The following PSMD1 variants were observed in gnomAD, a reference collection of about 807,000 sequenced individuals.
PSMD1 encodes 26S proteasome non-ATPase regulatory subunit 1.
A neutral mutation model predicts 119.0 loss-of-function variants in PSMD1; 18 were observed. The observed-to-expected ratio is 0.15, with a 90% CI of 0.10 to 0.22. The LOEUF (loss-of-function observed/expected upper bound fraction) is 0.22. Ranked by LOEUF, PSMD1 falls within the 10% of genes least tolerant of loss-of-function variation. The pLI is 1.00. For missense variants in PSMD1, 702 were observed against 1,158.5 expected (o/e 0.61, Z 5.72); for synonymous variants, 374 against 396.6 (o/e 0.94, Z 0.68).
At chr2:231,065,276 G>T (rs1434097923) in intron 4 of PSMD1, among the ~76,000 whole-genome samples, 1 of 148,150 alleles carries the variant, frequency 6.7e-6, no homozygotes, top group African/African-American at 2.5e-5. Flanking sequence ...TTGTTTTTTT[G>T]TTTTTTTTGT....
intron 16 of PSMD1, among the ~76,000 whole-genome samples, chr2:231,101,920 T>C (rs938242577): frequency 2.6e-5 from 4 of 152,178 alleles, no homozygotes; most frequent in Non-Finnish European, 5.9e-5. Context: ...CTTATGGAGC[T>C]TGGGTTGAGG....
At chr2:231,130,656 C>A (rs558805310) in intron 16 of PSMD1, among the ~76,000 whole-genome samples, 1 of 152,080 alleles carries the variant, frequency 6.6e-6, no homozygotes, top group African/African-American at 2.4e-5. Context: ...TGGGGTTTCG[C>A]GGGAATGCCA....
At chr2:231,156,493 ACCTATTTATC>A (rs1423046360) in intron 19 of PSMD1, among the ~76,000 whole-genome samples, 3 of 151,936 alleles carry the variant, frequency 2.0e-5, no homozygotes, top group African/African-American at 7.3e-5. Flanking sequence ...CCTGTGCTTA[ACCTATTTATC>A]CCTCCTTGCC....
At chr2:231,096,219 C>G (rs1422186690) in intron 16 of PSMD1, among the ~76,000 whole-genome samples, 2 of 152,220 alleles carry the variant, frequency 1.3e-5, no homozygotes, top group African/African-American at 2.4e-5. Flanking sequence ...TCTAATGCTG[C>G]TTGCCTAAGA....
At chr2:231,095,500 T>C (rs988374627) in intron 16 of PSMD1, among the ~76,000 whole-genome samples, 3 of 152,184 alleles carry the variant, frequency 2.0e-5, no homozygotes, top group African/African-American at 7.2e-5. Context: ...GTAAATATCA[T>C]CCATAAAATG....
chr2:231,085,699 C>T (rs1238425030), intron 15 of PSMD1, among the ~76,000 whole-genome samples: 1 of 149,810 alleles, frequency 6.7e-6, no homozygotes, highest in Non-Finnish European at 1.5e-5. Flanking sequence ...AAGAGATGCA[C>T]TGCACAGGAA....
rs745746655 is a variant in PSMD1 at position 231,089,281 on chromosome 2, G to T, written c.1883+2100G>T. 3.9e-5 allele frequency among the ~76,000 whole-genome samples: 6 copies of T among 152,176 alleles called. No individual in the cohort carries two copies. In the South Asian group the frequency reaches 6.2e-4, roughly 16 times the overall value. On this transcript the variant is annotated intron_variant, in intron 16 of 24. Coordinates refer to ENST00000308696, the MANE Select transcript of PSMD1 (RefSeq NM_002807.4). The stretch of plus-strand genomic sequence containing the variant: ...CTAGCTAAGATCATTGATGAAGGTG[G>T]CTATCCTAAACAACAGATTTTCCAT...
At chr2:231,105,720 ATTCCT>A (rs1694958942) in intron 16 of PSMD1, among the ~76,000 whole-genome samples, 2 of 152,178 alleles carry the variant, frequency 1.3e-5, no homozygotes, top group South Asian at 4.1e-4. Flanking sequence ...ACACAAAGTG[ATTCCT>A]TGAATATAAA....
chr2:231,169,151 A>AT lies in PSMD1; in HGVS notation c.2716-1406dup, dbSNP rs1020229322. ...GTTGATTTGGATTATTAGTTTTGGGATTTTTTTTTGTGTGTGTGTTACTGT... is the reference window on the plus strand; with the variant it reads ...GTTGATTTGGATTATTAGTTTTGGGATTTTTTTTTTGTGTGTGTGTTACTGT... On this transcript the variant is annotated intron_variant, in intron 23 of 24. Transcript: ENST00000308696. Among the ~76,000 whole-genome samples the AT allele has an allele frequency of 1.5e-4, 23 of 151,532 alleles. No individual in the cohort carries two copies. In the South Asian group the frequency reaches 1.7e-3, roughly 11 times the overall value.
At chr2:231,104,809 A>G (rs999180898) in intron 16 of PSMD1, among the ~76,000 whole-genome samples, 7 of 152,124 alleles carry the variant, frequency 4.6e-5, no homozygotes, top group African/African-American at 7.2e-5. Context: ...TTTCCTTATT[A>G]ACTTTAATAT....
At chr2:231,154,628 C>G (rs892791580) in intron 19 of PSMD1, among the ~76,000 whole-genome samples, 1 of 152,134 alleles carries the variant, frequency 6.6e-6, no homozygotes, top group Non-Finnish European at 1.5e-5. Context: ...TCACCACACC[C>G]AACTAATTGT....
At position 231,115,667 on chromosome 2, in the gene PSMD1, T is replaced by C. The variant is rs191093409; in HGVS notation, c.1884-23069T>C. 2.4e-3 allele frequency among the ~76,000 whole-genome samples: 358 copies of C among 152,286 alleles called. 2 individuals carry two copies. Among genetic ancestry groups the C allele is most frequent in the African/African-American group, 8.3e-3 (345 of 41,566 alleles). On this transcript the variant is annotated intron_variant, in intron 16 of 24. Coordinates refer to ENST00000308696, the MANE Select transcript of PSMD1 (RefSeq NM_002807.4). ...AAGGAACCTTAGAGATTACCATTGA[T>C]CTTGCAGATGAGTAAATTCAGGTAT...
chr2:231,072,557 T>G, intron 7 of PSMD1, 142 bp downstream of exon 7: 1 of 725,224 alleles, frequency 1.4e-6, no homozygotes, highest in East Asian at 2.7e-5. Flanking sequence ...TATTAGGCTG[T>G]TGCTCTGTTT....
chr2:231,122,143 G>A (rs1695566944), intron 16 of PSMD1, among the ~76,000 whole-genome samples: 2 of 152,112 alleles, frequency 1.3e-5, no homozygotes, highest in African/African-American at 4.8e-5. Context: ...GAGATAGAAA[G>A]ACTGTTAATT....
chr2:231,116,194 C>T (rs151023002), intron 16 of PSMD1, among the ~76,000 whole-genome samples: 1 of 152,120 alleles, frequency 6.6e-6, no homozygotes, highest in Non-Finnish European at 1.5e-5. Context: ...AGCTTCAAAG[C>T]GAACTAACAG....
At position 231,147,993 on chromosome 2, in the gene PSMD1, T is replaced by C. The variant is rs565775152; in HGVS notation, c.2115+1637T>C. On this transcript the variant is annotated intron_variant, in intron 18 of 24. Transcript: ENST00000308696. ...CTTTGCTTCATTTATTTAGTGCTTC[T>C]ATTTCTGTCTCAAAATCATTTTCAG... Among the ~76,000 whole-genome samples, 25 of 152,354 alleles carry C rather than the reference T, an allele frequency of 1.6e-4. No homozygotes were observed. The South Asian group carries it at 5.2e-3, about 32-fold the overall frequency.
chr2:231,119,869 CAAAA>C (rs78246469), intron 16 of PSMD1, among the ~76,000 whole-genome samples: 16 of 80,040 alleles, frequency 2.0e-4, no homozygotes, highest in African/African-American at 7.2e-4. Context: ...GACTCCGTCT[CAAAA>C]AAAAAAAAAA....
chr2:231,060,036 G>A (rs1417456904), intron 1 of PSMD1, among the ~76,000 whole-genome samples: 3 of 152,208 alleles, frequency 2.0e-5, no homozygotes, highest in African/African-American at 7.2e-5. Flanking sequence ...ACTGAGGATA[G>A]GTAGCAGTTT....
At chr2:231,102,656 T>G (rs1463621724) in intron 16 of PSMD1, among the ~76,000 whole-genome samples, 1 of 151,832 alleles carries the variant, frequency 6.6e-6, no homozygotes, top group African/African-American at 2.4e-5. Context: ...GTCCTCACAT[T>G]GGGTTGGTGG....
Sources: gnomAD v4.1 joint callset for allele counts (sites outside exome capture counted in the v4.1 genomes callset) on GRCh38, gnomAD v4.1.1 for gene constraint, MANE v1.5 for transcripts, NCBI Gene and HGNC (gene_info 2026-07-23, HGNC 2026-07-21) for gene names.